Variants in TSPAN11 observed in about 807,000 individuals in gnomAD.
The protein encoded by TSPAN11 is tetraspanin-11.
A neutral mutation model predicts 32.9 loss-of-function variants in TSPAN11; 29 were observed. That is an observed-to-expected ratio of 0.88 (90% CI 0.66 to 1.20). TSPAN11 has a LOEUF of 1.20. Among genes scored for constraint, TSPAN11 ranks in the 50% most tolerant of loss-of-function variants. TSPAN11 has a pLI of 0.00. For missense variants in TSPAN11, 283 were observed against 329.1 expected (o/e 0.86, Z 1.08); for synonymous variants, 140 against 141.3 (o/e 0.99, Z 0.07).
intron 2 of TSPAN11, 105 bp downstream of exon 2, chr12:30,954,180 A>G: frequency 1.2e-6 from 1 of 800,054 alleles, no homozygotes; most frequent in South Asian, 1.4e-5. Flanking sequence ...TTCCAAATCA[A>G]AGATCAACGA....
intron 1 of TSPAN11, among the ~76,000 whole-genome samples, chr12:30,952,210 G>C (rs1938396122): frequency 1.3e-5 from 2 of 152,168 alleles, no homozygotes; most frequent in Admixed American, 1.3e-4. Flanking sequence ...CCTGGGAGGG[G>C]AGGGAGACTG....
intron 1 of TSPAN11, among the ~76,000 whole-genome samples, chr12:30,934,268 T>C (rs11838109): frequency 0.023 from 3,444 of 152,342 alleles, 129 homozygotes; most frequent in African/African-American, 0.078. Flanking sequence ...AGAGGACTCC[T>C]GCTCTGCACC....
intron 1 of TSPAN11, among the ~76,000 whole-genome samples, chr12:30,945,413 C>T (rs1938246572): frequency 6.6e-6 from 1 of 152,134 alleles, no homozygotes; most frequent in African/African-American, 2.4e-5. Flanking sequence ...GTAAAGGATG[C>T]AGCTGGCCCA....
At chr12:30,974,882 G>C (rs1240211951) in intron 3 of TSPAN11, among the ~76,000 whole-genome samples, 1 of 152,256 alleles carries the variant, frequency 6.6e-6, no homozygotes, top group Non-Finnish European at 1.5e-5. Context: ...AAAGCAGAGA[G>C]TGCAGGTGTC....
At chr12:30,928,241 G>A (rs1308333327) in intron 1 of TSPAN11, among the ~76,000 whole-genome samples, 1 of 152,190 alleles carries the variant, frequency 6.6e-6, no homozygotes, top group Non-Finnish European at 1.5e-5. Context: ...TTTCCAGAGA[G>A]CCTTTCTTCA....
chr12:30,987,476 G>A (rs934696548), intron 7 of TSPAN11, among the ~76,000 whole-genome samples: 5 of 152,112 alleles, frequency 3.3e-5, no homozygotes, highest in East Asian at 1.9e-4. Context: ...GCATGGAGGC[G>A]CGCGCCTGTA....
chr12:30,946,853 C>T lies in TSPAN11; in HGVS notation c.-11-7128C>T, dbSNP rs140728887. Among the ~76,000 whole-genome samples, 746 of 152,282 alleles carry T rather than the reference C, an allele frequency of 4.9e-3. 4 individuals carry two copies. Among genetic ancestry groups the T allele is most frequent in the Middle Eastern group, 0.017 (5 of 294 alleles). ...CTTTGGGGCTGTCCCTGGGGCTGTC[C>T]GTGATTCTGTGTCCAGTGTTGATTA... is the stretch of plus-strand genomic sequence containing the variant. On this transcript the variant is annotated intron_variant, in intron 1 of 7. Coordinates refer to ENST00000546076, the MANE Select transcript of TSPAN11 (RefSeq NM_001370302.1).
intron 2 of TSPAN11, among the ~76,000 whole-genome samples, chr12:30,959,650 C>T (rs929358710): frequency 6.6e-6 from 1 of 151,836 alleles, no homozygotes; most frequent in Non-Finnish European, 1.5e-5. Flanking sequence ...CGTGGTGGCG[C>T]GTGCCTGTAA....
chr12:30,982,510 C>T, intron 5 of TSPAN11, 22 bp from the exon 6 acceptor site: 4 of 1,593,282 alleles, frequency 2.5e-6, no homozygotes, highest in Non-Finnish European at 2.6e-6. Flanking sequence ...CCTCCAGCCT[C>T]TGCCTCTGCC....
the TSPAN11 span, chr12:31,015,395 GA>G: frequency 2.6e-5 from 4 of 152,386 alleles, no homozygotes; most frequent in East Asian, 7.7e-4. The surrounding 1 kb of genome is among the most constrained non-coding windows in gnomAD (Gnocchi z 4.9). Flanking sequence ...GGCCCCTGGG[GA>G]ACCAGCGCAG....
rs142407204 is a variant in TSPAN11, at chr12:30,942,543, A to G, written c.-11-11438A>G. ...AAAGAAAAAATGATCTAGGAAAAACATAGCATGCATGTGGCATTGGAATAT... is the reference window on the plus strand; with the variant it reads ...AAAGAAAAAATGATCTAGGAAAAACGTAGCATGCATGTGGCATTGGAATAT... On this transcript the variant is annotated intron_variant, in intron 1 of 7. Transcript: ENST00000546076. 9.2e-5 allele frequency among the ~76,000 whole-genome samples: 14 copies of G among 152,336 alleles called. No individual in the cohort carries two copies. The East Asian group carries it at 2.5e-3, about 27-fold the overall frequency.
At chr12:30,969,805 G>T (rs538984238) in intron 3 of TSPAN11, among the ~76,000 whole-genome samples, 8 of 152,214 alleles carry the variant, frequency 5.3e-5, no homozygotes, top group Non-Finnish European at 8.8e-5. Context: ...ACAAGGCAGG[G>T]TGAGAAGGGG....
chr12:30,994,062 G>T lies in TSPAN11; in HGVS notation c.*2147G>T, dbSNP rs891812911. The T allele has an allele frequency of 6.6e-6, 1 of 152,384 alleles. No individual in the cohort carries two copies. Among genetic ancestry groups the T allele is most frequent in the Non-Finnish European group, 1.5e-5 (1 of 68,062 alleles). 9.4% of individuals were successfully genotyped at this position (152,384 alleles called of 1,614,324 possible). A position where few individuals can be genotyped will look rare whatever the true frequency, so the allele number is the denominator to read the frequency against. ...CGTCCAGCCAGACTGCCTCTTGAAA[G>T]ATGGCTTGTCCAAGCGGCAGACAGT... On this transcript the variant is annotated 3_prime_UTR_variant, in exon 8 of 8. Transcript: ENST00000546076.
intron 3 of TSPAN11, among the ~76,000 whole-genome samples, chr12:30,976,312 G>A (rs575225404): frequency 3.3e-5 from 5 of 152,206 alleles, no homozygotes; most frequent in East Asian, 1.9e-4. Context: ...CGTCCTACAC[G>A]AGGGGACCAA....
intron 1 of TSPAN11, among the ~76,000 whole-genome samples, chr12:30,937,588 A>C (rs997945065): frequency 9.2e-5 from 14 of 152,186 alleles, no homozygotes; most frequent in African/African-American, 3.4e-4. Flanking sequence ...TTCATGTAAC[A>C]GTTCAGGCTA....
intron 1 of TSPAN11, among the ~76,000 whole-genome samples, chr12:30,933,125 G>T (rs987276023): frequency 6.6e-6 from 1 of 152,192 alleles, no homozygotes; most frequent in African/African-American, 2.4e-5. Context: ...TGCAGCTGCT[G>T]CTCTAGTGGG....
chr12:31,001,924 C>T, the TSPAN11 span, among the ~76,000 whole-genome samples: 1 of 152,206 alleles, frequency 6.6e-6, no homozygotes, highest in Admixed American at 6.5e-5. Flanking sequence ...ATGTTTTCCA[C>T]TGCCCTGTGA....
rs181239048 is a variant in TSPAN11, at chr12:30,936,859, C to A, written c.-12+10063C>A. 1.5e-3 allele frequency among the ~76,000 whole-genome samples: 224 copies of A among 152,208 alleles called. 2 individuals are homozygous for A. Among genetic ancestry groups the A allele is most frequent in the African/African-American group, 5.2e-3 (214 of 41,530 alleles). ...ATAAATGGGGGTAGCAAAGAGGAGACAAGAGGCAAAGCACAGAATGTTCCC... is the reference window on the plus strand; with the variant it reads ...ATAAATGGGGGTAGCAAAGAGGAGAAAAGAGGCAAAGCACAGAATGTTCCC... On this transcript the variant is annotated intron_variant, in intron 1 of 7. Transcript: ENST00000546076.
chr12:30,929,761 T>A (rs779478639), intron 1 of TSPAN11, among the ~76,000 whole-genome samples: 6 of 152,226 alleles, frequency 3.9e-5, no homozygotes, highest in Non-Finnish European at 5.9e-5. Context: ...GTGATGACCC[T>A]GATCTGTATT....
Sources: gnomAD v4.1 joint callset for allele counts (sites outside exome capture counted in the v4.1 genomes callset) on GRCh38, gnomAD v4.1.1 for gene constraint, Gnocchi (gnomAD v3.1) non-coding constraint, MANE v1.5 for transcripts, NCBI Gene and HGNC (gene_info 2026-07-23, HGNC 2026-07-21) for gene names.